The following TOP3B variants were observed in gnomAD, a reference collection of about 807,000 sequenced individuals.
The protein encoded by TOP3B is DNA topoisomerase III beta, also known as DNA topoisomerase 3-beta-1.
TOP3B carries 45 observed loss-of-function variants against 93.9 expected under a neutral mutation model. That is an observed-to-expected ratio of 0.48 (90% CI 0.38 to 0.61). The LOEUF (loss-of-function observed/expected upper bound fraction) is 0.61. TOP3B is among the 20% of genes least tolerant of loss of function. TOP3B has a pLI of 0.00. For missense variants in TOP3B, 750 were observed against 1,156.1 expected, an observed-to-expected ratio of 0.65 and a Z score of 5.09; for synonymous variants, 357 against 472.6, an observed-to-expected ratio of 0.76 and a Z score of 3.17.
At chr22:21,967,958 T>C in intron 7 of TOP3B, 1 of 504,210 alleles carries the variant, frequency 2.0e-6, no homozygotes, top group Non-Finnish European at 3.6e-6. Context: ...CTGAGGCTGA[T>C]GTGTCCCTAA....
intron 9 of TOP3B, 94 bp from the exon 10 acceptor site, chr22:21,964,409 G>A (rs978424574): frequency 2.2e-5 from 33 of 1,479,982 alleles, no homozygotes; most frequent in Admixed American, 2.1e-4. Context: ...CATTGTGGCC[G>A]GCCCCTCCTG....
At chr22:21,972,197 C>A (rs1189475098) in intron 4 of TOP3B, 13 of 515,516 alleles carry the variant, frequency 2.5e-5, no homozygotes, top group Middle Eastern at 5.0e-4. Context: ...TCTTATACCC[C>A]AAAACTGCCC....
Position 21,962,783 on chromosome 22 carries a change from G to T in TOP3B, c.1315C>A (p.Leu439Ile). ...ACGGTCTTCCCGGAGCAGGTGAAGAGCTCGGGCCCAATTCTGAAGGAGATG... is the reference window on the plus strand; with the variant it reads ...ACGGTCTTCCCGGAGCAGGTGAAGATCTCGGGCCCAATTCTGAAGGAGATG... ...STISFRIGPE[L>I]FTCSGKTVLS... The change falls in exon 12 of 18, where the codon CTC (leucine) becomes ATC (isoleucine). Residue 439 changes from leucine (L) to isoleucine (I), a missense_variant. By Grantham distance (5) the Leu-to-Ile change is conservative (BLOSUM62 2). This residue lies in a region of TOP3B where 737 missense variants were observed against 933.7 expected (regional missense o/e 0.79). Coordinates refer to ENST00000357179, the MANE Select transcript of TOP3B (RefSeq NM_001282112.2). 1 of 1,613,316 alleles carries T rather than the reference G, an allele frequency of 6.2e-7. No individual in the cohort carries two copies. Among genetic ancestry groups the T allele is most frequent in the Non-Finnish European group, 8.5e-7 (1 of 1,179,730 alleles).
intron 3 of TOP3B, chr22:21,973,324 T>G (rs2071723173): frequency 6.4e-6 from 1 of 156,938 alleles, no homozygotes; most frequent in African/African-American, 2.4e-5. Context: ...TCACCCAGGA[T>G]GAAGTACAGT....
At position 21,960,325 on chromosome 22, in the gene TOP3B, C is replaced by T. The variant is rs945319188; in HGVS notation, c.1650G>A (p.Lys550=). The T allele has an allele frequency of 8.1e-6, 13 of 1,613,344 alleles. No individual in the cohort carries two copies. Among genetic ancestry groups the T allele is most frequent in the Middle Eastern group, 1.6e-4 (1 of 6,084 alleles). The change falls in exon 14 of 18, where the codon AAG becomes AAA. Residue 550 remains lysine, a synonymous_variant. Transcript: ENST00000357179. ...GGGCAGGACTGAGGAACTCACCAAT[C>T]TTATAGTAGCCGTGCACCAGGACGA... The part of the protein sequence containing the change: ...LGIVLVHGYY[K]IDAELVLPTI...
intron 13 of TOP3B, chr22:21,960,662 C>G (rs2071135777): frequency 1.6e-6 from 1 of 636,408 alleles, no homozygotes; most frequent in Admixed American, 2.9e-5. Flanking sequence ...AAGGGCAGCC[C>G]TCCCTGTACA....
rs2071593356 is a variant in TOP3B, at chr22:21,970,467, C to A, written c.385-61G>T. 1.3e-6 allele frequency: 2 copies of A among 1,559,766 alleles called. No homozygotes were observed. The highest frequency in any genetic ancestry group is 1.2e-5 in the South Asian group (1 of 86,878). ...CCAGATCCCTGCCACAGCTCCCCAC[C>A]CCACTGTGAAGCCTGGTTCCTTCCA... On this transcript the variant is annotated intron_variant, in intron 5 of 17. Coordinates refer to ENST00000357179, the MANE Select transcript of TOP3B (RefSeq NM_001282112.2). The surrounding 1 kb of genome is among the most constrained non-coding windows in gnomAD (Gnocchi z 4.4).
At chr22:21,961,917 C>A (rs920370655) in intron 13 of TOP3B, 1 of 257,628 alleles carries the variant, frequency 3.9e-6, no homozygotes, top group South Asian at 5.2e-5. Flanking sequence ...GGTGACTACA[C>A]TTTTGCTTTG....
rs200177695 is a variant in TOP3B, at chr22:21,960,445, C to T, written c.1530G>A (p.Thr510=). ...ITLMEKHGIG[T]DASIPVHINN... ...TGATATGCACAGGGATGCTGGCATC[C>T]GTGCCTGCAATGTACAAGGCCCCAG... Residue 510 remains threonine (T), a synonymous_variant, in exon 14 of 18, where the codon ACG becomes ACA. Coordinates refer to ENST00000357179, the MANE Select transcript of TOP3B (RefSeq NM_001282112.2). 1.2e-4 allele frequency: 193 copies of T among 1,613,366 alleles called. 1 individual carries two copies. Among genetic ancestry groups the T allele is most frequent in the Non-Finnish European group, 9.9e-5 (117 of 1,179,936 alleles).
rs757706733 is a variant in TOP3B at position 21,959,570 on chromosome 22, C to T, written c.1804+17G>A. ...AGACACCCCTCTGGTGAGGGGCAGGCCAGAGGCAGACTCTACCAGCAATGG... is the reference window on the plus strand; with the variant it reads ...AGACACCCCTCTGGTGAGGGGCAGGTCAGAGGCAGACTCTACCAGCAATGG... On this transcript the variant is annotated intron_variant, in intron 15 of 17. Transcript: ENST00000357179. The T allele has an allele frequency of 1.3e-4, 211 of 1,597,410 alleles. 5 individuals are homozygous for T. The Admixed American group carries it at 3.5e-3, about 26-fold the overall frequency.
chr22:21,964,407 C>T, intron 9 of TOP3B, 92 bp from the exon 10 acceptor site: 2 of 1,498,984 alleles, frequency 1.3e-6, no homozygotes, highest in South Asian at 1.2e-5. Flanking sequence ...CCCATTGTGG[C>T]CGGCCCCTCC....
chr22:21,981,382 T>C (rs2145894589), intron 1 of TOP3B, among the ~76,000 whole-genome samples: 1 of 152,322 alleles, frequency 6.6e-6, no homozygotes, highest in East Asian at 1.9e-4. Context: ...AGCACTCTGA[T>C]GGAACAGCAG....
intron 1 of TOP3B, among the ~76,000 whole-genome samples, chr22:21,979,774 T>A (rs1333469996): frequency 2.0e-5 from 3 of 150,884 alleles, no homozygotes; most frequent in Non-Finnish European, 2.9e-5. Flanking sequence ...ACCCCGTCTC[T>A]ACTAAAAATA....
At chr22:21,968,501 CA>C (rs1225055012) in intron 7 of TOP3B, 117 bp downstream of exon 7, 1 of 1,338,178 alleles carries the variant, frequency 7.5e-7, no homozygotes, top group Non-Finnish European at 1.0e-6. Context: ...CTTCCAGGTA[CA>C]GCCGTCCACA....
intron 12 of TOP3B, 65 bp downstream of exon 12, chr22:21,962,682 C>T: frequency 6.2e-7 from 1 of 1,608,246 alleles, no homozygotes; most frequent in Non-Finnish European, 8.5e-7. Context: ...CATCCCCAGA[C>T]ACGATGTAGA....
chr22:21,964,939 C>T (rs2071355676), intron 9 of TOP3B: 2 of 197,730 alleles, frequency 1.0e-5, no homozygotes, highest in Non-Finnish European at 2.0e-5. Context: ...TGACAGCTGC[C>T]AGAGACCACC....
At chr22:21,974,603 G>T in intron 2 of TOP3B, 115 bp from the exon 3 acceptor site, 1 of 1,219,166 alleles carries the variant, frequency 8.2e-7, no homozygotes, top group Non-Finnish European at 1.1e-6. Flanking sequence ...CCCCAGAGTG[G>T]TGAGTGACGA....
At position 21,962,425 on chromosome 22, in the gene TOP3B, C is replaced by A; in HGVS notation, c.1525+4G>T. 6.2e-7 allele frequency: 1 copy of A among 1,613,394 alleles called. No homozygotes were observed. Among genetic ancestry groups the A allele is most frequent in the East Asian group, 2.2e-5 (1 of 44,886 alleles). ...GGCTCTGGGGCCTGGGCAGGCGCAC[C>A]CACCGATGCCATGCTTCTCCATGAG... On this transcript the variant is annotated splice_donor_region_variant and intron_variant, in intron 13 of 17. Coordinates refer to ENST00000357179, the MANE Select transcript of TOP3B (RefSeq NM_001282112.2).
In TOP3B at chr22:21,964,324, G is replaced by A. The variant is rs376656983; in HGVS notation, c.944-9C>T. 162 of 1,612,848 alleles carry A rather than the reference G, an allele frequency of 1.0e-4. No individual in the cohort carries two copies. Among genetic ancestry groups the A allele is most frequent in the Admixed American group, 1.7e-4 (10 of 59,998 alleles). On this transcript the variant is annotated splice_polypyrimidine_tract_variant and intron_variant, in intron 9 of 17. Transcript: ENST00000357179. The stretch of plus-strand genomic sequence containing the variant: ...GTGCTGCGGCCCCATGCCTGCGAGA[G>A]ACAGGAGGTTCTCAGAGGGCCAGGT...
Sources: allele counts gnomAD v4.1 joint callset (sites outside exome capture counted in the v4.1 genomes callset), GRCh38; gene constraint gnomAD v4.1.1; regional missense constraint gnomAD v4.1.1; non-coding constraint Gnocchi (gnomAD v3.1); transcripts MANE v1.5; gene names NCBI Gene and HGNC (gene_info 2026-07-23, HGNC 2026-07-21).